SPMIP2: variants seen among roughly 807,000 people sequenced by gnomAD.
The protein encoded by SPMIP2 is protein SPMIP2.
At chr4:158,948,589 TTG>T in the SPMIP2 span, among the ~76,000 whole-genome samples, 1 of 144,822 alleles carries the variant, frequency 6.9e-6, no homozygotes, top group African/African-American at 2.9e-5. Context: ...TGTATGTGGT[TTG>T]TTTTTTTTTT....
chr4:159,024,384 G>C, the SPMIP2 span, among the ~76,000 whole-genome samples: 5 of 152,124 alleles, frequency 3.3e-5, no homozygotes, highest in Non-Finnish European at 7.3e-5. Context: ...CTGGCAACTG[G>C]GGTTAGCAAG....
chr4:159,057,732 G>A, the SPMIP2 span, among the ~76,000 whole-genome samples: 5 of 152,126 alleles, frequency 3.3e-5, no homozygotes, highest in African/African-American at 4.8e-5. Context: ...CATCAGCAAC[G>A]TGTCAGAATA....
the SPMIP2 span, among the ~76,000 whole-genome samples, chr4:158,929,507 A>T: frequency 1.3e-5 from 2 of 152,184 alleles, no homozygotes; most frequent in African/African-American, 4.8e-5. Flanking sequence ...CTTGCATTTC[A>T]TTTAAATAGT....
chr4:158,967,020 T>C, the SPMIP2 span, among the ~76,000 whole-genome samples: 1 of 152,216 alleles, frequency 6.6e-6, no homozygotes, highest in East Asian at 1.9e-4. Flanking sequence ...CGCATTACTC[T>C]TTGTGCAACT....
At chr4:158,979,909 C>A in the SPMIP2 span, among the ~76,000 whole-genome samples, 64 of 150,838 alleles carry the variant, frequency 4.2e-4, no homozygotes, top group African/African-American at 1.5e-3. Flanking sequence ...TCTAGCTCAG[C>A]GGATCCCCTC....
chr4:159,056,104 T>C, the SPMIP2 span, among the ~76,000 whole-genome samples: 1 of 152,152 alleles, frequency 6.6e-6, no homozygotes, highest in African/African-American at 2.4e-5. Flanking sequence ...CCCAAAGGTA[T>C]GTTGTATTTC....
the SPMIP2 span, among the ~76,000 whole-genome samples, chr4:159,067,472 C>A: frequency 6.6e-6 from 1 of 152,140 alleles, no homozygotes; most frequent in African/African-American, 2.4e-5. Context: ...CTCAGGTGAT[C>A]CACCCGCCTT....
the SPMIP2 span, among the ~76,000 whole-genome samples, chr4:159,080,424 T>G: frequency 3.3e-5 from 5 of 152,070 alleles, no homozygotes; most frequent in African/African-American, 1.2e-4. Context: ...CTCCCTATGC[T>G]GCCCAGGCTG....
the SPMIP2 span, among the ~76,000 whole-genome samples, chr4:158,899,462 T>C: frequency 4.9e-4 from 74 of 152,356 alleles, 1 homozygote; most frequent in East Asian, 0.013. Flanking sequence ...AGAATTTGGC[T>C]GTGAATCCAT....
At chr4:158,938,335 C>A in the SPMIP2 span, among the ~76,000 whole-genome samples, 1 of 152,216 alleles carries the variant, frequency 6.6e-6, no homozygotes, top group African/African-American at 2.4e-5. Context: ...CTCTAGGGCT[C>A]TCCTCTATAA....
chr4:158,939,820 C>A, the SPMIP2 span, among the ~76,000 whole-genome samples: 1 of 143,904 alleles, frequency 6.9e-6, no homozygotes, highest in African/African-American at 2.6e-5. Flanking sequence ...GCCTGGGTGA[C>A]AGAGCAAGAC....
At chr4:158,928,099 G>A in the SPMIP2 span, among the ~76,000 whole-genome samples, 140 of 152,342 alleles carry the variant, frequency 9.2e-4, no homozygotes, top group Middle Eastern at 3.4e-3. Context: ...CGCAAGGCAC[G>A]GGACTGGCAG....
At chr4:158,988,296 C>T in the SPMIP2 span, among the ~76,000 whole-genome samples, 6 of 152,278 alleles carry the variant, frequency 3.9e-5, no homozygotes, top group Admixed American at 3.9e-4. Flanking sequence ...GATTCACAGC[C>T]AAATTCTACC....
the SPMIP2 span, among the ~76,000 whole-genome samples, chr4:158,944,004 C>T: frequency 4.6e-5 from 7 of 151,448 alleles, no homozygotes; most frequent in East Asian, 1.9e-4. Flanking sequence ...TACAGGCGCC[C>T]GCCACCATGC....
chr4:158,900,441 A>C, the SPMIP2 span, among the ~76,000 whole-genome samples: 1 of 152,132 alleles, frequency 6.6e-6, no homozygotes, highest in Admixed American at 6.5e-5. Context: ...TGGGGTGTTA[A>C]AGTCTCCCAT....
the SPMIP2 span, among the ~76,000 whole-genome samples, chr4:158,916,416 G>C: frequency 3.9e-5 from 6 of 152,148 alleles, no homozygotes; most frequent in Non-Finnish European, 8.8e-5. Flanking sequence ...CATTCTCCCA[G>C]CATACAGAGG....
chr4:159,021,998 T>C, the SPMIP2 span, among the ~76,000 whole-genome samples: 445 of 152,360 alleles, frequency 2.9e-3, 4 homozygotes, highest in African/African-American at 0.01. Flanking sequence ...TAGATCATTT[T>C]ATTTTTTTAA....
At chr4:158,947,630 T>A in the SPMIP2 span, among the ~76,000 whole-genome samples, 1 of 152,228 alleles carries the variant, frequency 6.6e-6, no homozygotes, top group Non-Finnish European at 1.5e-5. Context: ...CTATTAAAAT[T>A]CATATTGTTA....
At chr4:158,925,278 T>C in the SPMIP2 span, among the ~76,000 whole-genome samples, 1 of 152,280 alleles carries the variant, frequency 6.6e-6, no homozygotes, top group Non-Finnish European at 1.5e-5. Context: ...AGTTTGTATC[T>C]TTCTACGGAT....
Sources: gnomAD v4.1 joint callset for allele counts (sites outside exome capture counted in the v4.1 genomes callset) on GRCh38, gnomAD v4.1.1 for gene constraint, MANE v1.5 for transcripts, NCBI Gene and HGNC (gene_info 2026-07-23, HGNC 2026-07-21) for gene names.